Variants in OR51B5 observed in about 807,000 individuals in gnomAD.
The protein encoded by OR51B5 is olfactory receptor 51B5.
For synonymous variants in OR51B5, 186 were observed against 144.8 expected (o/e 1.28, Z -2.04); for missense variants, 456 against 374.6 (o/e 1.22, Z -1.79).
intron 1 of OR51B5, among the ~76,000 whole-genome samples, chr11:5,415,248 C>G (rs1850222455): frequency 1.3e-5 from 2 of 150,456 alleles, no homozygotes; most frequent in South Asian, 4.3e-4. Context: ...ACACAACATA[C>G]CAGAATCTCT....
intron 1 of OR51B5, chr11:5,455,016 A>G (rs1271778319): frequency 6.6e-6 from 1 of 152,378 alleles, no homozygotes. Flanking sequence ...AAACACTCAT[A>G]CATTGCTTTA....
intron 1 of OR51B5, among the ~76,000 whole-genome samples, chr11:5,404,675 A>G (rs541151434): frequency 6.6e-6 from 1 of 152,208 alleles, no homozygotes; most frequent in Non-Finnish European, 1.5e-5. Context: ...GCTCTTCACA[A>G]TAAATCTTGT....
chr11:5,496,199 T>G (rs907021803), intron 1 of OR51B5, among the ~76,000 whole-genome samples: 8 of 152,040 alleles, frequency 5.3e-5, no homozygotes, highest in Admixed American at 4.6e-4. Context: ...CATTCTCTCT[T>G]GGCTCTCCTG....
chr11:5,345,342 A>ACTAGGAGAGAAGC (rs1363822507), upstream of OR51B5, among the ~76,000 whole-genome samples: 1 of 152,166 alleles, frequency 6.6e-6, no homozygotes, highest in Admixed American at 6.5e-5. Flanking sequence ...GGTGACCTTG[A>ACTAGGAGAGAAGC]CTAGGAGAGA....
intron 1 of OR51B5, chr11:5,351,967 A>G: frequency 6.2e-7 from 1 of 1,613,202 alleles, no homozygotes; most frequent in Non-Finnish European, 8.5e-7. Context: ...TGGTCTGTCC[A>G]TTATGCCAAT....
rs998400447 is a variant in OR51B5 at position 5,388,654 on chromosome 11, G to A, written n.85-41744C>T. Among the ~76,000 whole-genome samples, 22 of 150,842 alleles carry A rather than the reference G, an allele frequency of 1.5e-4. 1 individual carries two copies. Among genetic ancestry groups the A allele is most frequent in the African/African-American group, 5.1e-4 (21 of 40,998 alleles). The stretch of plus-strand genomic sequence containing the variant: ...TAGGATATACACGGAGAGAAAATAA[G>A]GTAGGGTCTTGAATGTCATTTTAAA... On this transcript the variant is annotated intron_variant and non_coding_transcript_variant, in intron 1 of 4. Transcript: ENST00000415970.
intron 1 of OR51B5, among the ~76,000 whole-genome samples, chr11:5,356,238 G>T (rs746504956): frequency 2.0e-5 from 3 of 152,038 alleles, no homozygotes; most frequent in African/African-American, 7.3e-5. Flanking sequence ...AAATAAATTA[G>T]ACTAATGGCT....
intron 1 of OR51B5, among the ~76,000 whole-genome samples, chr11:5,476,530 C>G (rs895226974): frequency 2.0e-5 from 3 of 152,168 alleles, no homozygotes; most frequent in African/African-American, 7.2e-5. Flanking sequence ...AATGAGCCTC[C>G]TTTGTGACTT....
intron 1 of OR51B5, among the ~76,000 whole-genome samples, chr11:5,439,106 C>G (rs1472850009): frequency 6.6e-6 from 1 of 151,914 alleles, no homozygotes; most frequent in Non-Finnish European, 1.5e-5. Flanking sequence ...CGTCCTCTCT[C>G]TCTCTCTCTC....
intron 1 of OR51B5, among the ~76,000 whole-genome samples, chr11:5,446,047 T>C (rs955448373): frequency 2.6e-5 from 4 of 152,000 alleles, no homozygotes; most frequent in Non-Finnish European, 4.4e-5. Flanking sequence ...TAGGTGGGAA[T>C]TGAACAATGA....
At chr11:5,384,767 T>C (rs867756689) in intron 1 of OR51B5, among the ~76,000 whole-genome samples, 35 of 152,350 alleles carry the variant, frequency 2.3e-4, no homozygotes, top group Middle Eastern at 3.4e-3. Flanking sequence ...CTCAATCTGC[T>C]TATTTTAATC....
chr11:5,381,755 A>G (rs573279585), intron 1 of OR51B5, among the ~76,000 whole-genome samples: 85 of 152,360 alleles, frequency 5.6e-4, no homozygotes, highest in South Asian at 8.3e-4. Context: ...TTAGAGCAAT[A>G]AAGAATCAAA....
chr11:5,478,234 C>A (rs964872480), intron 1 of OR51B5, among the ~76,000 whole-genome samples: 115 of 152,064 alleles, frequency 7.6e-4, no homozygotes, highest in African/African-American at 2.7e-3. Context: ...CTGGGAGGCA[C>A]CCCCCAGCAG....
intron 1 of OR51B5, among the ~76,000 whole-genome samples, chr11:5,483,347 G>A (rs1262094787): frequency 8.4e-6 from 1 of 118,932 alleles, no homozygotes; most frequent in Non-Finnish European, 1.7e-5. Flanking sequence ...TCACACTCTG[G>A]GGACTGTGAT....
At chr11:5,435,885 T>C (rs1850585661) in intron 1 of OR51B5, among the ~76,000 whole-genome samples, 1 of 152,230 alleles carries the variant, frequency 6.6e-6, no homozygotes. Flanking sequence ...TTCTATTTTA[T>C]TAAAATTACA....
downstream of OR51B5, chr11:5,340,539 G>T (rs570237885): frequency 1.3e-5 from 2 of 151,920 alleles, no homozygotes; most frequent in East Asian, 1.9e-4. Flanking sequence ...CTGCGGTTAG[G>T]AGTTTGGAGA....
chr11:5,366,378 A>G (rs144128287), intron 1 of OR51B5, among the ~76,000 whole-genome samples: 17,439 of 152,098 alleles, frequency 0.11, 1,091 homozygotes, highest in South Asian at 0.15. Flanking sequence ...TGGCTGAGGC[A>G]GGAGGATCAC....
At chr11:5,352,959 ATT>A (rs905043969) in intron 1 of OR51B5, among the ~76,000 whole-genome samples, 7 of 150,718 alleles carry the variant, frequency 4.6e-5, no homozygotes, top group Non-Finnish European at 7.4e-5. Flanking sequence ...GGTCACCGGC[ATT>A]TCAGTCAATG....
chr11:5,402,655 T>A (rs1015144629), intron 1 of OR51B5: 1 of 471,296 alleles, frequency 2.1e-6, no homozygotes, highest in Non-Finnish European at 4.4e-6. Context: ...TTGGTTGGCA[T>A]CCCAGGGCTG....
Sources: gnomAD v4.1 joint callset for allele counts (sites outside exome capture counted in the v4.1 genomes callset) on GRCh38, gnomAD v4.1.1 for gene constraint, MANE v1.5 for transcripts, NCBI Gene and HGNC (gene_info 2026-07-23, HGNC 2026-07-21) for gene names.